Variants in IFI44L observed in about 807,000 individuals in gnomAD.
The protein encoded by IFI44L is interferon-induced protein 44-like.
IFI44L carries 40 observed loss-of-function variants against 39.3 expected under a neutral mutation model. The observed-to-expected ratio is 1.02, with a 90% CI of 0.79 to 1.33. The LOEUF is 1.33. Ranked by LOEUF, IFI44L falls within the 40% of genes most tolerant of loss-of-function variation. IFI44L has a pLI of 0.00. For missense variants in IFI44L, 623 were observed against 549.0 expected (o/e 1.13, Z -1.35); for synonymous variants, 198 against 182.3 (o/e 1.09, Z -0.69).
At chr1:78,637,433 T>C (rs186174266) in intron 6 of IFI44L, among the ~76,000 whole-genome samples, 1 of 152,186 alleles carries the variant, frequency 6.6e-6, no homozygotes, top group African/African-American at 2.4e-5. Flanking sequence ...GTGTGTGATT[T>C]TCCTGAGGCT....
At chr1:78,622,748 T>C (rs1179553595) in intron 1 of IFI44L, among the ~76,000 whole-genome samples, 3 of 152,192 alleles carry the variant, frequency 2.0e-5, no homozygotes, top group African/African-American at 7.2e-5. Context: ...TTCAGGCCAA[T>C]GACTAACTGA....
chr1:78,638,622 T>C (rs1196204039), intron 6 of IFI44L, among the ~76,000 whole-genome samples: 1 of 152,152 alleles, frequency 6.6e-6, no homozygotes, highest in Non-Finnish European at 1.5e-5. Flanking sequence ...GTTTTTCCTA[T>C]CTTGGGTATT....
chr1:78,641,208 TG>T (rs1313113362), intron 7 of IFI44L, 87 bp downstream of exon 7: 1 of 1,016,948 alleles, frequency 9.8e-7, no homozygotes, highest in East Asian at 2.4e-5. Flanking sequence ...TACGTGTATA[TG>T]TGCTTACAGA....
In IFI44L at chr1:78,643,510, G is replaced by C. The variant is rs1212916897; in HGVS notation, c.*1701G>C. On this transcript the variant is annotated 3_prime_UTR_variant, in exon 9 of 9. Transcript: ENST00000370751. Reference sequence around the variant, plus strand: ...AAATCTACCTCCCTGCTGAGTCTAAGTTTAGGATTTTTAAGAGAAAGGCAG... The same window carrying C: ...AAATCTACCTCCCTGCTGAGTCTAACTTTAGGATTTTTAAGAGAAAGGCAG... 6.6e-6 allele frequency: 1 copy of C among 152,100 alleles called. No homozygotes were observed. Among genetic ancestry groups the C allele is most frequent in the Non-Finnish European group, 1.5e-5 (1 of 68,008 alleles). 9.4% of individuals were successfully genotyped at this position (152,100 alleles called of 1,614,324 possible).
chr1:78,630,062 C>A (rs377104309), intron 4 of IFI44L, 147 bp downstream of exon 4: 1 of 743,242 alleles, frequency 1.3e-6, no homozygotes, highest in African/African-American at 1.8e-5. Context: ...TCAGAACCAC[C>A]TCCATTGTGC....
chr1:78,642,510 A>G lies in IFI44L; in HGVS notation c.*701A>G, dbSNP rs1030737703. ...ATTGAGCCTTGGAGGTGGAGGCTAC[A>G]GTGAGCTGAGATTGTGCCACTGTAC... On this transcript the variant is annotated 3_prime_UTR_variant, in exon 9 of 9. Transcript: ENST00000370751. 2 of 152,078 alleles carry G rather than the reference A, an allele frequency of 1.3e-5. No individual in the cohort carries two copies. Among genetic ancestry groups the G allele is most frequent in the Admixed American group, 6.6e-5 (1 of 15,256 alleles). The allele number at this position is 152,078 out of a possible 1,614,324, so 9.4% of individuals were successfully genotyped here. A position where few individuals can be genotyped will look rare whatever the true frequency, so the allele number is the denominator to read the frequency against.
At chr1:78,626,386 T>C (rs371328678) in intron 1 of IFI44L, 1 of 152,086 alleles carries the variant, frequency 6.6e-6, no homozygotes, top group Non-Finnish European at 1.5e-5. Context: ...TGTTTGTTTC[T>C]AGTGTGTGCT....
rs1557683722 is a variant in IFI44L at position 78,628,173 on chromosome 1, A to G, written c.258A>G (p.Ser86=). The G allele has an allele frequency of 6.2e-7, 1 of 1,612,682 alleles. No individual in the cohort carries two copies. Among genetic ancestry groups the G allele is most frequent in the Admixed American group, 1.7e-5 (1 of 59,878 alleles). Residue 86 remains serine, a synonymous_variant, in exon 2 of 9, where the codon TCA becomes TCG. Coordinates refer to ENST00000370751, the MANE Select transcript of IFI44L (RefSeq NM_006820.4). ...STEPNDSLWF[S]LQKKNDTTEI... ...AGCCAAATGATTCCCTATGGTTTTCACTTCAAAAGAAAAATGACACCACTG... is the reference window on the plus strand; with the variant it reads ...AGCCAAATGATTCCCTATGGTTTTCGCTTCAAAAGAAAAATGACACCACTG...
rs771475788 is a variant in IFI44L at position 78,635,322 on chromosome 1, G to T, written c.724-15G>T. The T allele has an allele frequency of 2.6e-6, 4 of 1,549,318 alleles. No homozygotes were observed. The highest frequency in any genetic ancestry group is 3.6e-6 in the Non-Finnish European group (4 of 1,125,918). ...TGATGAATGAACCTTTACACTTAATGTATTTTTTTAACAGTATAGGATATA... is the reference window on the plus strand; with the variant it reads ...TGATGAATGAACCTTTACACTTAATTTATTTTTTTAACAGTATAGGATATA... On this transcript the variant is annotated splice_polypyrimidine_tract_variant and intron_variant, in intron 4 of 8. Coordinates refer to ENST00000370751, the MANE Select transcript of IFI44L (RefSeq NM_006820.4).
At chr1:78,630,515 C>A (rs553092549) in intron 4 of IFI44L, among the ~76,000 whole-genome samples, 16 of 152,062 alleles carry the variant, frequency 1.1e-4, no homozygotes, top group Non-Finnish European at 2.2e-4. Context: ...CTAGAAAATT[C>A]TTTCTTGTTT....
chr1:78,629,947 A>G (rs761106539), intron 4 of IFI44L, 32 bp downstream of exon 4: 52 of 1,559,274 alleles, frequency 3.3e-5, no homozygotes, highest in Middle Eastern at 1.7e-4. Flanking sequence ...TTTATTTTAT[A>G]GATTACAATT....
rs192830691 is a variant in IFI44L, at chr1:78,625,317, T to C, written c.-10-2589T>C. Among the ~76,000 whole-genome samples the C allele has an allele frequency of 1.4e-3, 212 of 152,274 alleles. 1 individual carries two copies. The highest frequency in any genetic ancestry group is 5.0e-3 in the African/African-American group (206 of 41,584). Reference sequence around the variant, plus strand: ...CTTAAATTAATTATGAATTTAGTTTTTAAAAATAGCTATGAGATAGTCAAA... The same window carrying C: ...CTTAAATTAATTATGAATTTAGTTTCTAAAAATAGCTATGAGATAGTCAAA... On this transcript the variant is annotated intron_variant, in intron 1 of 8. Transcript: ENST00000370751.
In IFI44L at chr1:78,641,166, C is replaced by T. The variant is rs756129357; in HGVS notation, c.1149+45C>T. The T allele has an allele frequency of 1.2e-5, 15 of 1,288,124 alleles. No individual in the cohort carries two copies. In the African/African-American group the frequency reaches 2.0e-4, roughly 18 times the overall value. 79.8% of individuals were successfully genotyped at this position (1,288,124 alleles called of 1,614,324 possible). Reference sequence around the variant, plus strand: ...ACCAGATATTATTGTAATAGTATCACAATCATACGTGTGTGTGTTTGTGTG... The same window carrying T: ...ACCAGATATTATTGTAATAGTATCATAATCATACGTGTGTGTGTTTGTGTG... On this transcript the variant is annotated intron_variant, in intron 7 of 8. Coordinates refer to ENST00000370751, the MANE Select transcript of IFI44L (RefSeq NM_006820.4).
chr1:78,639,419 C>T (rs541902456), intron 6 of IFI44L, among the ~76,000 whole-genome samples: 5 of 152,070 alleles, frequency 3.3e-5, no homozygotes, highest in Non-Finnish European at 7.4e-5. Context: ...TGTCTTGCTA[C>T]ACTGTCCTTT....
At chr1:78,632,909 AG>A (rs1295153128) in intron 4 of IFI44L, among the ~76,000 whole-genome samples, 1 of 152,162 alleles carries the variant, frequency 6.6e-6, no homozygotes, top group Non-Finnish European at 1.5e-5. Context: ...AACATGTGAC[AG>A]GTTTATAATT....
rs754137854 is a variant in IFI44L, at chr1:78,628,031, A to G, written c.116A>G (p.Asp39Gly). 3 of 1,613,310 alleles carry G rather than the reference A, an allele frequency of 1.9e-6. No individual in the cohort carries two copies. The highest frequency in any genetic ancestry group is 2.2e-5 in the South Asian group (2 of 91,050). ...KSSVHGGSIE[D>G]MVERCSRQGC... ...AGTGTTCATGGAGGTAGCATTGAAGATATGGTTGAAAGATGCAGCCGTCAG... is the reference window on the plus strand; with the variant it reads ...AGTGTTCATGGAGGTAGCATTGAAGGTATGGTTGAAAGATGCAGCCGTCAG... The change falls in exon 2 of 9, where the codon GAT (aspartate) becomes GGT (glycine). Residue 39 changes from aspartate (D) to glycine (G), a missense_variant. Transcript: ENST00000370751.
chr1:78,635,240 G>C (rs1287261605), intron 4 of IFI44L, 97 bp from the exon 5 acceptor site: 2 of 946,934 alleles, frequency 2.1e-6, no homozygotes. Context: ...TGAGGACCAT[G>C]GTGTTCAAAT....
At chr1:78,623,104 T>C (rs1652337323) in intron 1 of IFI44L, among the ~76,000 whole-genome samples, 1 of 152,238 alleles carries the variant, frequency 6.6e-6, no homozygotes, top group Admixed American at 6.5e-5. Flanking sequence ...TTTAAGGTTT[T>C]CCACATATAA....
chr1:78,633,493 C>T lies in IFI44L; in HGVS notation c.724-1844C>T, dbSNP rs190197727. Among the ~76,000 whole-genome samples, 3 of 152,288 alleles carry T rather than the reference C, an allele frequency of 2.0e-5. No homozygotes were observed. The East Asian group carries it at 5.8e-4, about 29-fold the overall frequency. On this transcript the variant is annotated intron_variant, in intron 4 of 8. Coordinates refer to ENST00000370751, the MANE Select transcript of IFI44L (RefSeq NM_006820.4). ...CAGTGGCCCTGAGCTTTACGCATGCCTCAGTGCTGCACCAGTCACAGTGGT... is the reference window on the plus strand; with the variant it reads ...CAGTGGCCCTGAGCTTTACGCATGCTTCAGTGCTGCACCAGTCACAGTGGT...
Sources: gnomAD v4.1 joint callset for allele counts (sites outside exome capture counted in the v4.1 genomes callset) on GRCh38, gnomAD v4.1.1 for gene constraint, MANE v1.5 for transcripts, NCBI Gene and HGNC (gene_info 2026-07-23, HGNC 2026-07-21) for gene names.